TUBB8: variants seen among roughly 807,000 people sequenced by gnomAD.
TUBB8 encodes the protein tubulin beta 8 class VIII.
TUBB8 carries 25 observed loss-of-function variants against 33.7 expected under a neutral mutation model. That is an observed-to-expected ratio of 0.74 (90% CI 0.54 to 1.04). The LOEUF is 1.04. Ranked by LOEUF, TUBB8 falls within the 50% of genes least tolerant of loss-of-function variation. The pLI is 0.00. For missense variants in TUBB8, 279 were observed against 608.0 expected (o/e 0.46, Z 5.69); for synonymous variants, 245 against 240.1 (o/e 1.02, Z -0.19).
In TUBB8 at chr10:48,745, A is replaced by G. The variant is rs782453280; in HGVS notation, c.167-20T>C. The stretch of plus-strand genomic sequence containing the variant: ...TGCCACCTGCGTGGGGCGGGAGGGC[A>G]TGAGCGAGGGGAGGGCCGCGTTCCC... On this transcript the variant is annotated intron_variant, in intron 2 of 3. Transcript: ENST00000568584. 1.3e-6 allele frequency: 2 copies of G among 1,597,968 alleles called. No individual in the cohort carries two copies. Among genetic ancestry groups the G allele is most frequent in the East Asian group, 2.2e-5 (1 of 44,798 alleles).
rs1554738049 is a variant in TUBB8 at position 47,361 on chromosome 10, C to T, written c.1031G>A (p.Trp344Ter). The T allele has an allele frequency of 6.2e-7, 1 of 1,613,036 alleles. No homozygotes were observed. The highest frequency in any genetic ancestry group is 8.5e-7 in the Non-Finnish European group (1 of 1,179,958). The change falls in exon 4 of 4, where the codon TGG becomes TAG. Residue 344 changes from tryptophan (W) to a stop codon, truncating the protein, a stop_gained. Transcript: ENST00000568584. LOFTEE classifies it high-confidence loss of function. ...GGCTGTTTTTACGTTGTTGGGGAGCCAGTCAGCAAAGTAACTGCTGTTCTT... is the reference window on the plus strand; with the variant it reads ...GGCTGTTTTTACGTTGTTGGGGAGCTAGTCAGCAAAGTAACTGCTGTTCTT... ...QDKNSSYFADWLPNNVKTAVC... is the reference protein window; with the variant it reads ...QDKNSSYFAD
chr10:69,029 T>G (rs1462231627), intron 1 of TUBB8, among the ~76,000 whole-genome samples: 4 of 152,208 alleles, frequency 2.6e-5, no homozygotes, highest in African/African-American at 9.7e-5. Context: ...CTCTCCTCAG[T>G]GCAACCCACC....
chr10:67,783 T>C (rs528591374), intron 1 of TUBB8, among the ~76,000 whole-genome samples: 67 of 152,302 alleles, frequency 4.4e-4, no homozygotes, highest in African/African-American at 1.3e-3. Flanking sequence ...TTACTGTTGA[T>C]TGTTTTTTGA....
Position 49,258 on chromosome 10 carries a change from C to A in TUBB8, c.-20G>T. On this transcript the variant is annotated 5_prime_UTR_variant, in exon 1 of 4. Transcript: ENST00000568584. ...CCTCATGGCCAAGGCGGGATTAGGACGGCAGGAGAAACGTGAGAAGGAGGA... is the reference window on the plus strand; with the variant it reads ...CCTCATGGCCAAGGCGGGATTAGGAAGGCAGGAGAAACGTGAGAAGGAGGA... 1 of 1,577,714 alleles carries A rather than the reference C, an allele frequency of 6.3e-7. No homozygotes were observed. Among genetic ancestry groups the A allele is most frequent in the Non-Finnish European group, 8.6e-7 (1 of 1,162,252 alleles).
intron 1 of TUBB8, among the ~76,000 whole-genome samples, chr10:57,913 T>A (rs1554740397): frequency 6.6e-6 from 1 of 152,190 alleles, no homozygotes. Context: ...GCCACATGAC[T>A]AGGCTGCAAA....
At chr10:66,045 G>C (rs1834666499) in intron 1 of TUBB8, among the ~76,000 whole-genome samples, 2 of 152,272 alleles carry the variant, frequency 1.3e-5, no homozygotes, top group Admixed American at 1.3e-4. Context: ...CCATTGTCAG[G>C]GCCCAGTGCT....
intron 1 of TUBB8, among the ~76,000 whole-genome samples, chr10:67,477 T>C (rs1449488074): frequency 2.0e-5 from 3 of 152,148 alleles, no homozygotes; most frequent in Admixed American, 1.3e-4. Context: ...CAGGGTGGAG[T>C]ACAGTGGCAA....
rs782681697 is a variant in TUBB8 at position 47,790 on chromosome 10, C to G, written c.602G>C (p.Cys201Ser). 6.2e-7 allele frequency: 1 copy of G among 1,614,202 alleles called. No individual in the cohort carries two copies. The highest frequency in any genetic ancestry group is 1.1e-5 in the South Asian group (1 of 91,086). ...GTCATACAGAGCTTCGTTATCTATGCAAAAGGTCTCATCTGCGTTTTCTAT... is the reference window on the plus strand; with the variant it reads ...GTCATACAGAGCTTCGTTATCTATGGAAAAGGTCTCATCTGCGTTTTCTAT... ...QLIENADETF[C>S]IDNEALYDIC... is the part of the protein sequence containing the mutation. Residue 201 changes from cysteine to serine, a missense_variant, in exon 4 of 4, where the codon TGC becomes TCC. By Grantham distance (112) the Cys-to-Ser change is moderately radical. Transcript: ENST00000568584.
At chr10:49,507 C>G (rs1405996934), upstream of TUBB8, 14 of 661,914 alleles carry the variant, frequency 2.1e-5, no homozygotes, top group Admixed American at 2.3e-4. Context: ...AACTTCCTCC[C>G]GCGTCTTTAG....
upstream of TUBB8, among the ~76,000 whole-genome samples, chr10:74,959 C>T (rs1361566081): frequency 6.6e-6 from 1 of 151,114 alleles, no homozygotes; most frequent in African/African-American, 2.4e-5. Flanking sequence ...ACTGCAACCT[C>T]CACCTCCAGG....
intron 1 of TUBB8, among the ~76,000 whole-genome samples, chr10:56,272 A>C (rs1554740148): frequency 6.6e-6 from 1 of 151,992 alleles, no homozygotes; most frequent in East Asian, 1.9e-4. Context: ...ATTCTTTTCC[A>C]GTTTGTTGAC....
upstream of TUBB8, chr10:74,231 G>C (rs1174736200): frequency 2.6e-5 from 4 of 151,418 alleles, no homozygotes; most frequent in African/African-American, 9.7e-5. Flanking sequence ...CGACAGCTCT[G>C]GGGAATCTCT....
At position 69,814 on chromosome 10, in the gene TUBB8, T is replaced by C. The variant is rs1834714243; in HGVS notation, c.-846+4155A>G. Among the ~76,000 whole-genome samples the C allele has an allele frequency of 2.0e-5, 3 of 152,158 alleles. No individual in the cohort carries two copies. In the South Asian group the frequency reaches 6.2e-4, roughly 32 times the overall value. On this transcript the variant is annotated intron_variant, in intron 1 of 3. Coordinates refer to the TUBB8 transcript ENST00000564130. ...GGGGAGGCTGAAGCGGGAGGATGGC[T>C]CGAGCCCGGGAGGATGCAGTGAGCC...
intron 1 of TUBB8, among the ~76,000 whole-genome samples, chr10:55,651 T>C (rs1365167598): frequency 1.3e-5 from 2 of 152,236 alleles, no homozygotes; most frequent in Non-Finnish European, 2.9e-5. Context: ...TTTATTTTAA[T>C]TTGATTTTTG....
At chr10:48,320 G>GT in intron 3 of TUBB8, 2 of 652,460 alleles carry the variant, frequency 3.1e-6, no homozygotes, top group South Asian at 3.7e-5. Flanking sequence ...CCTGAGACGG[G>GT]TTCACAGACC....
intron 1 of TUBB8, among the ~76,000 whole-genome samples, chr10:55,213 G>A: frequency 6.6e-6 from 1 of 152,204 alleles, no homozygotes; most frequent in Non-Finnish European, 1.5e-5. Context: ...AGGGGGAAGA[G>A]CCCCTTATAA....
At chr10:72,851 CAAA>C (rs1321880357) in intron 1 of TUBB8, among the ~76,000 whole-genome samples, 2 of 115,536 alleles carry the variant, frequency 1.7e-5, no homozygotes, top group Admixed American at 9.1e-5. Context: ...CACTCCATCT[CAAA>C]AAAAAAAAAA....
At chr10:75,424 G>A (rs1834798575), upstream of TUBB8, among the ~76,000 whole-genome samples, 1 of 151,290 alleles carries the variant, frequency 6.6e-6, no homozygotes. Context: ...GGAGGCAGAG[G>A]TGGGTGGATC....
At chr10:61,873 T>C (rs1834606587) in intron 1 of TUBB8, among the ~76,000 whole-genome samples, 1 of 152,244 alleles carries the variant, frequency 6.6e-6, no homozygotes, top group Non-Finnish European at 1.5e-5. Flanking sequence ...CTACAGTCTT[T>C]TGTTGAAATC....
Sources: allele counts gnomAD v4.1 joint callset (sites outside exome capture counted in the v4.1 genomes callset), GRCh38; gene constraint gnomAD v4.1.1; transcripts MANE v1.5; gene names NCBI Gene and HGNC (gene_info 2026-07-23, HGNC 2026-07-21).